Variants in PIK3CG observed in about 807,000 individuals in gnomAD.
PIK3CG encodes phosphatidylinositol 4,5-bisphosphate 3-kinase catalytic subunit gamma isoform.
In PIK3CG, 55 loss-of-function variants were observed where a neutral mutation model predicts 102.3. The observed-to-expected ratio is 0.54, with a 90% CI of 0.43 to 0.67. PIK3CG has a LOEUF of 0.67. Ranked by LOEUF, PIK3CG falls within the 30% of genes least tolerant of loss-of-function variation. The pLI, the probability that PIK3CG is intolerant of heterozygous loss-of-function variation, is 0.00. For synonymous variants in PIK3CG, 552 were observed against 540.0 expected (o/e 1.02, Z -0.31); for missense variants, 1,258 against 1,391.8 (o/e 0.90, Z 1.53).
In PIK3CG at chr7:106,883,106, A is replaced by C. The variant is rs773975659; in HGVS notation, c.2703A>C (p.Ala901=). 1 of 1,614,006 alleles carries C rather than the reference A, an allele frequency of 6.2e-7. No individual in the cohort carries two copies. Among genetic ancestry groups the C allele is most frequent in the African/African-American group, 1.3e-5 (1 of 74,926 alleles). Residue 901 remains alanine (A), a synonymous_variant, in exon 8 of 11, where the codon GCA becomes GCC. Transcript: ENST00000496166. The surrounding 1 kb of genome is among the most constrained non-coding windows in gnomAD (Gnocchi z 5.8). ...IQQSTVGNTG[A]FKDEVLNHWL... Reference sequence around the variant, plus strand: ...AAAGCACAGTGGGCAACACGGGAGCATTTAAAGATGAAGTCCTGAATCACT... The same window carrying C: ...AAAGCACAGTGGGCAACACGGGAGCCTTTAAAGATGAAGTCCTGAATCACT...
intron 10 of PIK3CG, among the ~76,000 whole-genome samples, chr7:106,901,969 C>A (rs539046544): frequency 6.6e-6 from 1 of 152,326 alleles, no homozygotes; most frequent in Non-Finnish European, 1.5e-5. Flanking sequence ...TCTCAATGCT[C>A]TGAAAGTGTG....
intron 5 of PIK3CG, among the ~76,000 whole-genome samples, chr7:106,878,080 T>C (rs1476126000): frequency 6.6e-6 from 1 of 152,242 alleles, no homozygotes; most frequent in African/African-American, 2.4e-5. Flanking sequence ...TTGCTGACAA[T>C]AAATTCTTTC....
chr7:106,882,917 C>CAAA (rs552794683), intron 7 of PIK3CG, 116 bp from the exon 8 acceptor site: 2,091 of 412,612 alleles, frequency 5.1e-3, no homozygotes, highest in South Asian at 6.0e-3. Context: ...GCTCTCTGGT[C>CAAA]AAAAAAAAAA....
Position 106,905,262 on chromosome 7 carries a change from G to C in PIK3CG, c.3184G>C (p.Glu1062Gln), listed in dbSNP as rs113001043. 2 of 1,614,122 alleles carry C rather than the reference G, an allele frequency of 1.2e-6. No individual in the cohort carries two copies. The highest frequency in any genetic ancestry group is 1.7e-6 in the Non-Finnish European group (2 of 1,180,002). Reference sequence around the variant, plus strand: ...TGCCCTCACAGTGGGGAAAAATGAGGAGGATGCTAAAAAGTATTTTCTTGA... The same window carrying C: ...TGCCCTCACAGTGGGGAAAAATGAGCAGGATGCTAAAAAGTATTTTCTTGA... The part of the protein sequence containing the change: ...RDALTVGKNE[E>Q]DAKKYFLDQI... The change falls in exon 11 of 11, where the codon GAG (glutamate) becomes CAG (glutamine). Residue 1062 changes from glutamate to glutamine, a missense_variant. Glu to Gln is a conservative substitution (Grantham distance 29). Around this residue, in one of 2 missense-constraint regions of PIK3CG, gnomAD observed 426 missense variants for 604.2 expected, o/e 0.71. Coordinates refer to ENST00000496166, the MANE Select transcript of PIK3CG (RefSeq NM_001282426.2). The surrounding 1 kb of genome is among the most constrained non-coding windows in gnomAD (Gnocchi z 5.6).
At position 106,868,988 on chromosome 7, in the gene PIK3CG, G is replaced by A. The variant is rs747427177; in HGVS notation, c.1427G>A (p.Arg476His). 11 of 1,613,998 alleles carry A rather than the reference G, an allele frequency of 6.8e-6. No individual in the cohort carries two copies. The highest frequency in any genetic ancestry group is 8.5e-6 in the Non-Finnish European group (10 of 1,180,030). Residue 476 changes from arginine (R) to histidine (H), a missense_variant, in exon 2 of 11, where the codon CGC becomes CAC. Transcript: ENST00000496166. The surrounding 1 kb of genome is among the most constrained non-coding windows in gnomAD (Gnocchi z 6.2). ...LLLIDHRFLL[R>H]RGEYVLHMWQ... The stretch of plus-strand genomic sequence containing the variant: ...CTGATAGACCACCGTTTCCTCCTGC[G>A]CCGTGGAGAATACGTCCTCCACATG...
At position 106,868,245 on chromosome 7, in the gene PIK3CG, C is replaced by T. The variant is rs776654271; in HGVS notation, c.684C>T (p.Thr228=). 2 of 1,613,388 alleles carry T rather than the reference C, an allele frequency of 1.2e-6. No individual in the cohort carries two copies. The highest frequency in any genetic ancestry group is 1.7e-5 in the Admixed American group (1 of 60,030). The part of the protein sequence containing the change: ...NCIFIVIHRS[T]TSQTIKVSPD... Reference sequence around the variant, plus strand: ...TCTTCATCGTCATTCACCGCAGCACCACCAGCCAGACCATTAAGGTCTCAC... The same window carrying T: ...TCTTCATCGTCATTCACCGCAGCACTACCAGCCAGACCATTAAGGTCTCAC... The change falls in exon 2 of 11, where the codon ACC becomes ACT. Residue 228 remains threonine, a synonymous_variant. Coordinates refer to ENST00000496166, the MANE Select transcript of PIK3CG (RefSeq NM_001282426.2). This position sits in a 1 kb window ranked among gnomAD's most constrained non-coding sequence, Gnocchi z 6.2.
rs2116537895 is a variant in PIK3CG at position 106,882,167 on chromosome 7, C to T, written c.2589C>T (p.Cys863=). 3 of 1,578,188 alleles carry T rather than the reference C, an allele frequency of 1.9e-6. No homozygotes were observed. Among genetic ancestry groups the T allele is most frequent in the South Asian group, 1.2e-5 (1 of 85,644 alleles). ...SIWETESLDL[C]LLPYGCISTG... ...GGGAGACTGAATCTTTGGATCTATGCCTCCTGCCATATGGTTGCATTTCAA... is the reference window on the plus strand; with the variant it reads ...GGGAGACTGAATCTTTGGATCTATGTCTCCTGCCATATGGTTGCATTTCAA... The change falls in exon 7 of 11, where the codon TGC becomes TGT. Residue 863 remains cysteine (C), a synonymous_variant. Coordinates refer to ENST00000496166, the MANE Select transcript of PIK3CG (RefSeq NM_001282426.2).
At position 106,868,318 on chromosome 7, in the gene PIK3CG, G is replaced by T. The variant is rs1183980892; in HGVS notation, c.757G>T (p.Ala253Ser). The change falls in exon 2 of 11, where the codon GCC becomes TCC. Residue 253 changes from alanine (A) to serine (S), a missense_variant. Ala to Ser is a moderately conservative substitution (Grantham distance 99). This residue lies in a region of PIK3CG where 832 missense variants were observed against 787.5 expected (regional missense o/e 1.06). Transcript: ENST00000496166. The surrounding 1 kb of genome is among the most constrained non-coding windows in gnomAD (Gnocchi z 6.2). ...AILQSFFTKM[A>S]KKKSLMDIPE... Reference sequence around the variant, plus strand: ...CCTGCAGAGCTTCTTCACCAAGATGGCCAAGAAGAAATCTCTGATGGATAT... The same window carrying T: ...CCTGCAGAGCTTCTTCACCAAGATGTCCAAGAAGAAATCTCTGATGGATAT... The T allele has an allele frequency of 8.1e-6, 13 of 1,614,062 alleles. No homozygotes were observed. Among genetic ancestry groups the T allele is most frequent in the Non-Finnish European group, 1.1e-5 (13 of 1,180,062 alleles).
rs1216288686 is a variant in PIK3CG at position 106,908,207 on chromosome 7, G to A, written c.*2820G>A. On this transcript the variant is annotated 3_prime_UTR_variant, in exon 11 of 11. Coordinates refer to ENST00000496166, the MANE Select transcript of PIK3CG (RefSeq NM_001282426.2). This position sits in a 1 kb window ranked among gnomAD's most constrained non-coding sequence, Gnocchi z 4.1. The stretch of plus-strand genomic sequence containing the variant: ...CAAAAATTATTAAGAAATTCGAGAT[G>A]GCAACAGCAGTTGTCACACCAAGCA... 2.6e-5 allele frequency among the ~76,000 whole-genome samples: 4 copies of A among 152,128 alleles called. No individual in the cohort carries two copies. Among genetic ancestry groups the A allele is most frequent in the African/African-American group, 9.7e-5 (4 of 41,430 alleles).
At position 106,867,588 on chromosome 7, in the gene PIK3CG, C is replaced by A. The variant is rs772306261; in HGVS notation, c.27C>A (p.Pro9=). The change falls in exon 2 of 11, where the codon CCC becomes CCA. Residue 9 remains proline, a synonymous_variant. Transcript: ENST00000496166. This position sits in a 1 kb window ranked among gnomAD's most constrained non-coding sequence, Gnocchi z 5.1. MELENYKQ[P]VVLREDNCRR... ...TGGAGCTGGAGAACTATAAACAGCCCGTGGTGCTGAGAGAGGACAACTGCC... is the reference window on the plus strand; with the variant it reads ...TGGAGCTGGAGAACTATAAACAGCCAGTGGTGCTGAGAGAGGACAACTGCC... 3.1e-6 allele frequency: 5 copies of A among 1,595,772 alleles called. No individual in the cohort carries two copies. The highest frequency in any genetic ancestry group is 1.3e-5 in the African/African-American group (1 of 74,222).
intron 9 of PIK3CG, among the ~76,000 whole-genome samples, chr7:106,885,419 C>T (rs959787067): frequency 6.6e-6 from 1 of 152,098 alleles, no homozygotes; most frequent in African/African-American, 2.4e-5. Context: ...TGACAGTAGT[C>T]AGTAGTGGCC....
intron 7 of PIK3CG, 104 bp downstream of exon 7, chr7:106,882,311 CTGT>C: frequency 2.1e-6 from 1 of 484,532 alleles, no homozygotes; most frequent in South Asian, 5.8e-5. Context: ...TAATCTTAAT[CTGT>C]ATAAAAAGGA....
intron 9 of PIK3CG, 98 bp from the exon 10 acceptor site, chr7:106,886,037 C>A: frequency 9.3e-7 from 1 of 1,079,900 alleles, no homozygotes; most frequent in Non-Finnish European, 1.3e-6. Context: ...AAAATGCTTT[C>A]AACACAAGAT....
intron 10 of PIK3CG, among the ~76,000 whole-genome samples, chr7:106,887,493 C>T (rs746098860): frequency 6.6e-6 from 1 of 152,120 alleles, no homozygotes; most frequent in Non-Finnish European, 1.5e-5. Flanking sequence ...TGTTTTGAAA[C>T]CTGTCTGTTC....
At chr7:106,888,987 A>G (rs1248366920) in intron 10 of PIK3CG, among the ~76,000 whole-genome samples, 2 of 152,260 alleles carry the variant, frequency 1.3e-5, no homozygotes, top group Non-Finnish European at 2.9e-5. Context: ...TGCCTAGATC[A>G]TAGCAGAAAA....
intron 5 of PIK3CG, among the ~76,000 whole-genome samples, chr7:106,878,384 T>C (rs1264398041): frequency 1.3e-5 from 2 of 152,198 alleles, no homozygotes; most frequent in East Asian, 3.8e-4. Flanking sequence ...CTCCTTGAAT[T>C]TGTGAGTTTA....
chr7:106,901,687 G>A (rs947689677), intron 10 of PIK3CG, among the ~76,000 whole-genome samples: 9 of 152,226 alleles, frequency 5.9e-5, no homozygotes, highest in African/African-American at 1.7e-4. Context: ...ATCTCTGCAT[G>A]TGGGTGCTCC....
Position 106,902,167 on chromosome 7 carries a change from G to A in PIK3CG, c.3031-2942G>A, listed in dbSNP as rs1791574566. On this transcript the variant is annotated intron_variant, in intron 10 of 10. Transcript: ENST00000496166. This position sits in a 1 kb window ranked among gnomAD's most constrained non-coding sequence, Gnocchi z 4.3. Reference sequence around the variant, plus strand: ...TCACCTGGGGACTCCACCCCAGAGAGATGCAGGTCAGCAGTGGCTCAGTGC... The same window carrying A: ...TCACCTGGGGACTCCACCCCAGAGAAATGCAGGTCAGCAGTGGCTCAGTGC... Among the ~76,000 whole-genome samples, 1 of 152,180 alleles carries A rather than the reference G, an allele frequency of 6.6e-6. No individual in the cohort carries two copies. The highest frequency in any genetic ancestry group is 6.5e-5 in the Admixed American group (1 of 15,284).
rs1790402592 is a variant in PIK3CG, at chr7:106,868,490, C to T, written c.929C>T (p.Pro310Leu). The T allele has an allele frequency of 6.2e-7, 1 of 1,614,182 alleles. No homozygotes were observed. Among genetic ancestry groups the T allele is most frequent in the Non-Finnish European group, 8.5e-7 (1 of 1,180,046 alleles). The change falls in exon 2 of 11, where the codon CCT becomes CTT. Residue 310 changes from proline to leucine, a missense_variant. Transcript: ENST00000496166. This position sits in a 1 kb window ranked among gnomAD's most constrained non-coding sequence, Gnocchi z 6.2. Reference sequence around the variant, plus strand: ...GAGATTCACGTGGTACTGGACACGCCTCCAGACCCGGCCCTAGACGAGGTG... The same window carrying T: ...GAGATTCACGTGGTACTGGACACGCTTCCAGACCCGGCCCTAGACGAGGTG... ...GEEIHVVLDT[P>L]PDPALDEVRK...
Sources: allele counts gnomAD v4.1 joint callset (sites outside exome capture counted in the v4.1 genomes callset), GRCh38; gene constraint gnomAD v4.1.1; regional missense constraint gnomAD v4.1.1; non-coding constraint Gnocchi (gnomAD v3.1); transcripts MANE v1.5; gene names NCBI Gene and HGNC (gene_info 2026-07-23, HGNC 2026-07-21).